The following CREBBP variants were observed in gnomAD, a reference collection of about 807,000 sequenced individuals.
CREBBP encodes CREB-binding protein.
A neutral mutation model predicts 265.0 loss-of-function variants in CREBBP; 19 were observed. The observed-to-expected ratio is 0.07, with a 90% CI of 0.05 to 0.11. The LOEUF is 0.11. CREBBP is among the 10% of genes least tolerant of loss of function. The pLI is 1.00. For missense variants in CREBBP, 2,525 were observed against 3,219.0 expected (o/e 0.78, Z 5.22); for synonymous variants, 1,457 against 1,223.7 (o/e 1.19, Z -3.98).
intron 1 of CREBBP, 134 bp from the exon 2 acceptor site, chr16:3,851,143 C>G: frequency 7.7e-6 from 6 of 778,878 alleles, no homozygotes; most frequent in South Asian, 7.5e-5. Context: ...ATGTCATTAG[C>G]TGGGTGTGGT....
chr16:3,752,787 T>G (rs1343646049), intron 19 of CREBBP, among the ~76,000 whole-genome samples: 1 of 152,190 alleles, frequency 6.6e-6, no homozygotes, highest in Non-Finnish European at 1.5e-5. Context: ...GAGTTAATCT[T>G]TAAAGAACAA....
At chr16:3,789,597 G>C (rs987989593) in intron 5 of CREBBP, among the ~76,000 whole-genome samples, 1 of 152,072 alleles carries the variant, frequency 6.6e-6, no homozygotes, top group Non-Finnish European at 1.5e-5. Flanking sequence ...TCCTCTCTGG[G>C]TTCCTAACTC....
At chr16:3,805,736 A>T (rs963111740) in intron 3 of CREBBP, among the ~76,000 whole-genome samples, 5 of 152,216 alleles carry the variant, frequency 3.3e-5, no homozygotes, top group African/African-American at 4.8e-5. Flanking sequence ...CAACAAAGTA[A>T]GTCCACTCCA....
chr16:3,762,405 C>G (rs1231758728), intron 16 of CREBBP, among the ~76,000 whole-genome samples: 2 of 148,232 alleles, frequency 1.3e-5, no homozygotes. Flanking sequence ...GCGCTGTCAC[C>G]CAGGCTGGAG....
At chr16:3,760,681 G>C (rs928102587) in intron 16 of CREBBP, among the ~76,000 whole-genome samples, 2 of 151,942 alleles carry the variant, frequency 1.3e-5, no homozygotes, top group African/African-American at 4.8e-5. Flanking sequence ...TGGGATTACA[G>C]GCATGAGCCA....
At position 3,733,464 on chromosome 16, in the gene CREBBP, G is replaced by C. The variant is rs28639553; in HGVS notation, c.4729-1527C>G. ...ATTCAGAGACAGAAAAGGGACGTCA[G>C]GGGAAAACTGAGGAAATTGGAACGA... On this transcript the variant is annotated intron_variant, in intron 28 of 30. Transcript: ENST00000262367. 4.6e-3 allele frequency among the ~76,000 whole-genome samples: 696 copies of C among 152,146 alleles called. 6 individuals carry two copies. The highest frequency in any genetic ancestry group is 0.016 in the African/African-American group (654 of 41,480).
chr16:3,780,299 T>A (rs2053243440), intron 8 of CREBBP, among the ~76,000 whole-genome samples: 1 of 150,862 alleles, frequency 6.6e-6, no homozygotes, highest in Non-Finnish European at 1.5e-5. Flanking sequence ...TAACTAACTG[T>A]AAGGTGATAA....
intron 9 of CREBBP, among the ~76,000 whole-genome samples, chr16:3,778,449 C>CG (rs540941629): frequency 6.6e-6 from 1 of 152,212 alleles, no homozygotes; most frequent in South Asian, 2.1e-4. Context: ...ATTACAACAC[C>CG]ACCTACTATG....
chr16:3,814,097 G>GA (rs1451120225), intron 2 of CREBBP, among the ~76,000 whole-genome samples: 1 of 152,180 alleles, frequency 6.6e-6, no homozygotes, highest in East Asian at 1.9e-4. Context: ...GGGTGAGTAT[G>GA]AGTGTGTGAT....
chr16:3,762,019 G>C (rs150181908), intron 16 of CREBBP, among the ~76,000 whole-genome samples: 1 of 152,332 alleles, frequency 6.6e-6, no homozygotes, highest in Non-Finnish European at 1.5e-5. Context: ...AAAAAGAAAA[G>C]AATACTATTT....
In CREBBP at chr16:3,770,788, G is replaced by A. The variant is rs2141202057; in HGVS notation, c.2662C>T (p.Pro888Ser). 1 of 1,614,118 alleles carries A rather than the reference G, an allele frequency of 6.2e-7. No individual in the cohort carries two copies. The change falls in exon 14 of 31, where the codon CCA (proline) becomes TCA (serine). Residue 888 changes from proline to serine, a missense_variant. By Grantham distance (74) the Pro-to-Ser change is moderately conservative. Transcript: ENST00000262367. The stretch of plus-strand genomic sequence containing the variant: ...CCGGAAGACGACACAGGAGTTGATG[G>A]CTGAGTGGGAGCTGCTGGCTGGGGA... ...TPPQPAAPTQ[P>S]STPVSSSGQT...
chr16:3,814,501 A>G (rs7198381), intron 2 of CREBBP, among the ~76,000 whole-genome samples: 20,051 of 151,860 alleles, frequency 0.13, 3,326 homozygotes, highest in African/African-American at 0.38. Context: ...AGTGATCCAT[A>G]CACCTCAAGC....
chr16:3,858,074 T>C (rs1399020796), intron 1 of CREBBP, among the ~76,000 whole-genome samples: 1 of 151,996 alleles, frequency 6.6e-6, no homozygotes. Flanking sequence ...ATGCAGACTG[T>C]TAGGTGGGGA....
chr16:3,839,479 A>C (rs1236834877), intron 2 of CREBBP, among the ~76,000 whole-genome samples: 1 of 151,990 alleles, frequency 6.6e-6, no homozygotes, highest in Non-Finnish European at 1.5e-5. Flanking sequence ...TCAGGAGTTC[A>C]ACACTAGCCT....
intron 3 of CREBBP, among the ~76,000 whole-genome samples, chr16:3,796,104 C>A (rs374073094): frequency 6.6e-6 from 1 of 152,118 alleles, no homozygotes; most frequent in South Asian, 2.1e-4. Flanking sequence ...GTTGTCCTCT[C>A]ACTGTGTCTT....
intron 20 of CREBBP, 28 bp from the exon 21 acceptor site, chr16:3,749,711 T>C: frequency 6.8e-7 from 1 of 1,471,134 alleles, no homozygotes; most frequent in Non-Finnish European, 9.4e-7. Context: ...AAACATGTTT[T>C]ATTAACTAAA....
At chr16:3,773,725 G>A (rs2141213951) in intron 13 of CREBBP, 26 bp downstream of exon 13, 1 of 1,611,196 alleles carries the variant, frequency 6.2e-7, no homozygotes, top group Non-Finnish European at 8.5e-7. Flanking sequence ...TTCCTAGGGA[G>A]CCACGGTCCC....
At chr16:3,751,887 G>T in intron 19 of CREBBP, 81 bp from the exon 20 acceptor site, 1 of 1,334,760 alleles carries the variant, frequency 7.5e-7, no homozygotes, top group Non-Finnish European at 1.1e-6. Flanking sequence ...ACCAATCAGA[G>T]CAGGGCAGAG....
chr16:3,751,426 C>T (rs1344735990), intron 20 of CREBBP, among the ~76,000 whole-genome samples: 1 of 152,008 alleles, frequency 6.6e-6, no homozygotes, highest in Non-Finnish European at 1.5e-5. Flanking sequence ...CTCGTCTCTA[C>T]AAAAAATACA....
Sources: allele counts gnomAD v4.1 joint callset (sites outside exome capture counted in the v4.1 genomes callset), GRCh38; gene constraint gnomAD v4.1.1; transcripts MANE v1.5; gene names NCBI Gene and HGNC (gene_info 2026-07-23, HGNC 2026-07-21).